ITIH3: variants seen among roughly 807,000 people sequenced by gnomAD.
The protein encoded by ITIH3 is inter-alpha-trypsin inhibitor heavy chain H3.
ITIH3 carries 81 observed loss-of-function variants against 96.5 expected under a neutral mutation model. The ratio of observed to expected loss-of-function variants is 0.84; its 90% confidence interval spans 0.70 to 1.01. The LOEUF (loss-of-function observed/expected upper bound fraction) is 1.01, where lower values mean the gene tolerates loss of function less well. Among genes scored for constraint, ITIH3 ranks in the 50% least tolerant of loss-of-function variants. The pLI is 0.00. For missense variants in ITIH3, 1,057 were observed against 1,139.3 expected (o/e 0.93, Z 1.04); for synonymous variants, 422 against 445.2 (o/e 0.95, Z 0.66).
chr3:52,806,591 T>C (rs1274427699), intron 18 of ITIH3, among the ~76,000 whole-genome samples, 185 bp downstream of exon 18: 1 of 152,164 alleles, frequency 6.6e-6, no homozygotes, highest in Non-Finnish European at 1.5e-5. Flanking sequence ...ATGCCAGTGC[T>C]ATTGGGAGAT....
rs1699692040 is a variant in ITIH3 at position 52,798,750 on chromosome 3, G to C, written c.664-216G>C. Reference sequence around the variant, plus strand: ...GGAAAAGCGGTGCTCAGAAAGGCCGGAGCGTGGTAAACAGTGCCTTCCAGT... The same window carrying C: ...GGAAAAGCGGTGCTCAGAAAGGCCGCAGCGTGGTAAACAGTGCCTTCCAGT... On this transcript the variant is annotated intron_variant, in intron 6 of 21. Coordinates refer to ENST00000449956, the MANE Select transcript of ITIH3 (RefSeq NM_002217.4). 1.0e-5 allele frequency: 6 copies of C among 580,498 alleles called. No individual in the cohort carries two copies. In the South Asian group the frequency reaches 1.1e-4, roughly 10 times the overall value. The allele number at this position is 580,498 out of a possible 1,614,324, so 36.0% of individuals were successfully genotyped here.
rs749605610 is a variant in ITIH3 at position 52,806,979 on chromosome 3, A to C, written c.2135A>C (p.Lys712Thr). 9 of 1,596,020 alleles carry C rather than the reference A, an allele frequency of 5.6e-6. No homozygotes were observed. In the Middle Eastern group the frequency reaches 1.5e-3, roughly 264 times the overall value. The part of the protein sequence containing the change: ...DSKTRKTYFG[K>T]LGIANAQMDF... Reference sequence around the variant, plus strand: ...AAGACCAGAAAGACTTACTTTGGAAAACTGGGCATCGCCAATGCTCAGATG... The same window carrying C: ...AAGACCAGAAAGACTTACTTTGGAACACTGGGCATCGCCAATGCTCAGATG... The change falls in exon 19 of 22, where the codon AAA (lysine) becomes ACA (threonine). Residue 712 changes from lysine to threonine, a missense_variant. Lys to Thr is a moderately conservative substitution (Grantham distance 78). Coordinates refer to ENST00000449956, the MANE Select transcript of ITIH3 (RefSeq NM_002217.4).
At chr3:52,805,657 C>T in intron 15 of ITIH3, 151 bp from the exon 16 acceptor site, 8 of 1,477,828 alleles carry the variant, frequency 5.4e-6, no homozygotes, top group Non-Finnish European at 7.2e-6. Flanking sequence ...GCCCGATTTC[C>T]AAAGCCTAAT....
chr3:52,799,201 C>T, intron 7 of ITIH3, 110 bp downstream of exon 7: 5 of 1,417,616 alleles, frequency 3.5e-6, no homozygotes, highest in Non-Finnish European at 4.9e-6. Context: ...GGCTGTTTTC[C>T]TGCAGGATGT....
At chr3:52,801,420 C>T (rs951412339) in intron 11 of ITIH3, among the ~76,000 whole-genome samples, 2 of 152,130 alleles carry the variant, frequency 1.3e-5, no homozygotes, top group South Asian at 2.1e-4. Flanking sequence ...TAAGTATGCC[C>T]CAAATATTGC....
intron 15 of ITIH3, chr3:52,805,035 A>G (rs1699987215): frequency 2.5e-6 from 1 of 394,664 alleles, no homozygotes; most frequent in Admixed American, 4.3e-5. Context: ...GTCCCATAGC[A>G]ACCCTCCAAG....
At chr3:52,808,370 C>T in intron 21 of ITIH3, 149 bp downstream of exon 21, 1 of 1,077,278 alleles carries the variant, frequency 9.3e-7, no homozygotes, top group Non-Finnish European at 1.3e-6. Context: ...CAGGCTCTTG[C>T]TAATCAAGAA....
At chr3:52,800,086 C>T (rs917720611) in intron 9 of ITIH3, among the ~76,000 whole-genome samples, 165 bp downstream of exon 9, 2 of 152,150 alleles carry the variant, frequency 1.3e-5, no homozygotes, top group East Asian at 1.9e-4. Context: ...GACAGAATAT[C>T]GGCTGTCTTC....
At chr3:52,795,739 T>A in intron 2 of ITIH3, 116 bp downstream of exon 2, 1 of 1,001,128 alleles carries the variant, frequency 1.0e-6, no homozygotes, top group Non-Finnish European at 1.5e-6. Context: ...GCAAACAGCT[T>A]ACGGCCCTCT....
At chr3:52,804,235 G>A in intron 14 of ITIH3, 2 of 575,970 alleles carry the variant, frequency 3.5e-6, no homozygotes, top group East Asian at 2.9e-5. Context: ...CTAAAGGGAA[G>A]TGAGTAAAGG....
intron 10 of ITIH3, 104 bp from the exon 11 acceptor site, chr3:52,800,861 C>A: frequency 6.6e-7 from 1 of 1,524,018 alleles, no homozygotes; most frequent in Non-Finnish European, 8.9e-7. Context: ...ATGGTCGTGA[C>A]TCCAGCAACT....
chr3:52,800,646 A>C lies in ITIH3; in HGVS notation c.1184A>C (p.Asp395Ala), dbSNP rs1325490801. ...ACCTCCATTGTCATCATGCTGACTG[A>C]TGGGGATGCCAATGTTGGTGAGGAG... Reference protein sequence around the residue: ...RSTSIVIMLTDGDANVGESRP... With the variant: ...RSTSIVIMLTAGDANVGESRP... The change falls in exon 10 of 22, where the codon GAT (aspartate) becomes GCT (alanine). Residue 395 changes from aspartate to alanine, a missense_variant. By Grantham distance (126) the Asp-to-Ala change is moderately radical. Transcript: ENST00000449956. 6.3e-7 allele frequency: 1 copy of C among 1,597,144 alleles called. No individual in the cohort carries two copies. The highest frequency in any genetic ancestry group is 8.5e-7 in the Non-Finnish European group (1 of 1,172,070).
rs774177038 is a variant in ITIH3, at chr3:52,799,819, T to C, written c.973T>C (p.Phe325Leu). The C allele has an allele frequency of 6.2e-7, 1 of 1,613,890 alleles. No individual in the cohort carries two copies. The highest frequency in any genetic ancestry group is 1.1e-5 in the South Asian group (1 of 91,076). Residue 325 changes from phenylalanine to leucine, a missense_variant, in exon 9 of 22, where the codon TTC becomes CTC. By Grantham distance (22) the Phe-to-Leu change is conservative. Transcript: ENST00000449956. ...GGAAGACTATCTGAATTTCATCCTG[T>C]TCAGTGGAGATGTGTCCACATGGAA... ...QEEDYLNFIL[F>L]SGDVSTWKEH...
intron 4 of ITIH3, 42 bp from the exon 5 acceptor site, chr3:52,797,063 C>A: frequency 6.3e-7 from 1 of 1,588,844 alleles, no homozygotes; most frequent in Non-Finnish European, 8.6e-7. Context: ...AGGGTGGGCT[C>A]CTGCAGTCTT....
At chr3:52,808,073 G>A in intron 20 of ITIH3, 37 bp from the exon 21 acceptor site, 1 of 1,603,994 alleles carries the variant, frequency 6.2e-7, no homozygotes, top group East Asian at 2.2e-5. Flanking sequence ...CCGTGGCAAT[G>A]GCCAGGGGCT....
rs780826805 is a variant in ITIH3, at chr3:52,802,622, C to T, written c.1570-45C>T. On this transcript the variant is annotated intron_variant, in intron 12 of 21. Transcript: ENST00000449956. ...AGGAGTGGTGGCCCCTGAACCTGAT[C>T]CACCCAAGCCTCCAGCCCCTTGCCT... The T allele has an allele frequency of 4.3e-6, 7 of 1,612,936 alleles. No individual in the cohort carries two copies. The East Asian group carries it at 1.3e-4, about 31-fold the overall frequency.
At chr3:52,808,280 T>G in intron 21 of ITIH3, 59 bp downstream of exon 21, 1 of 1,404,056 alleles carries the variant, frequency 7.1e-7, no homozygotes, top group Non-Finnish European at 1.0e-6. Context: ...AAAGAGCACC[T>G]GCAGCCCAGG....
At chr3:52,799,548 T>C in intron 8 of ITIH3, 60 bp downstream of exon 8, 4 of 1,281,428 alleles carry the variant, frequency 3.1e-6, no homozygotes, top group Non-Finnish European at 4.3e-6. Flanking sequence ...AGAGATTTTT[T>C]TTTTTAACTG....
chr3:52,800,087 G>A (rs949210425), intron 9 of ITIH3, among the ~76,000 whole-genome samples, 166 bp downstream of exon 9: 15 of 152,078 alleles, frequency 9.9e-5, no homozygotes, highest in African/African-American at 3.4e-4. Context: ...ACAGAATATC[G>A]GCTGTCTTCT....
Sources: gnomAD v4.1 joint callset for allele counts (sites outside exome capture counted in the v4.1 genomes callset) on GRCh38, gnomAD v4.1.1 for gene constraint, MANE v1.5 for transcripts, NCBI Gene and HGNC (gene_info 2026-07-23, HGNC 2026-07-21) for gene names.